Variants in ITFG2 observed in about 807,000 individuals in gnomAD.
ITFG2 encodes KICSTOR complex protein ITFG2.
ITFG2 carries 36 observed loss-of-function variants against 54.4 expected under a neutral mutation model. That is an observed-to-expected ratio of 0.66 (90% CI 0.51 to 0.87). The LOEUF is 0.87. Among genes scored for constraint, ITFG2 ranks in the 40% least tolerant of loss-of-function variants. The pLI is 0.00. For missense variants in ITFG2, 524 were observed against 576.7 expected (o/e 0.91, Z 0.94); for synonymous variants, 211 against 225.4 (o/e 0.94, Z 0.57).
downstream of ITFG2, chr12:2,827,552 T>TC: frequency 6.2e-7 from 1 of 1,609,350 alleles, no homozygotes; most frequent in Non-Finnish European, 8.5e-7. This position sits in a 1 kb window ranked among gnomAD's most constrained non-coding sequence, Gnocchi z 4.0. Flanking sequence ...CAGAACCTGG[T>TC]CCAGGTTCCA....
chr12:2,854,708 C>T (rs2098081734), intron 2 of ITFG2, among the ~76,000 whole-genome samples: 1 of 152,204 alleles, frequency 6.6e-6, no homozygotes, highest in Admixed American at 6.5e-5. Context: ...GTGAAACTCC[C>T]TGCCTCCACT....
At chr12:2,822,423 T>C (rs2097948556) in intron 9 of ITFG2, among the ~76,000 whole-genome samples, 1 of 152,202 alleles carries the variant, frequency 6.6e-6, no homozygotes, top group Non-Finnish European at 1.5e-5. Flanking sequence ...TGTAGGTTTT[T>C]CTTGTCCATA....
chr12:2,823,845 A>T lies in ITFG2; in HGVS notation c.1142A>T (p.Tyr381Phe). Residue 381 changes from tyrosine to phenylalanine, a missense_variant, in exon 11 of 12, where the codon TAC becomes TTC. By Grantham distance (22) the Tyr-to-Phe change is conservative. Transcript: ENST00000228799. ...ACTTTCAACCAGAAGATCTATGTGT[A>T]CTGGGAGGTGCAGCTGGAGCGGATG... is the stretch of plus-strand genomic sequence containing the variant. Reference protein sequence around the residue: ...YVTFNQKIYVYWEVQLERMES... With the variant: ...YVTFNQKIYVFWEVQLERMES... 3.7e-6 allele frequency: 6 copies of T among 1,612,744 alleles called. No individual in the cohort carries two copies. Among genetic ancestry groups the T allele is most frequent in the Non-Finnish European group, 5.1e-6 (6 of 1,179,292 alleles).
Position 2,830,825 on chromosome 12 carries a change from C to T in ITFG2, c.*60-9C>T. ...CCCCCTGAAGCCAATTCGGGTTTCC[C>T]TCCACCAGGCGTCTTTGGATCACAC... On this transcript the variant is annotated splice_polypyrimidine_tract_variant and intron_variant and NMD_transcript_variant, in intron 2 of 2. Coordinates refer to the ITFG2 transcript ENST00000538822. 2.5e-6 allele frequency: 4 copies of T among 1,613,770 alleles called. 1 individual carries two copies. The highest frequency in any genetic ancestry group is 1.3e-5 in the African/African-American group (1 of 75,026).
At chr12:2,835,819 C>G (rs1187274118), upstream of ITFG2, among the ~76,000 whole-genome samples, 2 of 152,190 alleles carry the variant, frequency 1.3e-5, no homozygotes. Context: ...TCTTTATATT[C>G]TTTATGCAAA....
At chr12:2,857,877 G>A (rs1398552130) in intron 2 of ITFG2, 1 of 152,284 alleles carries the variant, frequency 6.6e-6, no homozygotes, top group Non-Finnish European at 1.5e-5. Context: ...TATGATTGGG[G>A]ACATTATCAG....
intron 4 of ITFG2, 70 bp from the exon 5 acceptor site, chr12:2,820,016 G>A (rs2153924368): frequency 2.0e-6 from 3 of 1,534,238 alleles, no homozygotes; most frequent in South Asian, 1.3e-5. Context: ...GCTGGAAGGT[G>A]CCACTGTTAG....
intron 2 of ITFG2, chr12:2,830,314 G>T (rs866997372): frequency 6.3e-6 from 1 of 159,176 alleles, no homozygotes; most frequent in Non-Finnish European, 1.4e-5. Flanking sequence ...AATTTATTGC[G>T]AATGTTCAAT....
chr12:2,827,781 C>G, downstream of ITFG2: 1 of 1,606,294 alleles, frequency 6.2e-7, no homozygotes, highest in Non-Finnish European at 8.5e-7. This position sits in a 1 kb window ranked among gnomAD's most constrained non-coding sequence, Gnocchi z 4.0. Flanking sequence ...TCCCCAGATC[C>G]GAGGACACTG....
At chr12:2,827,278 C>G (rs1427270593), downstream of ITFG2, 5 of 1,613,868 alleles carry the variant, frequency 3.1e-6, no homozygotes, top group Admixed American at 1.7e-5. The surrounding 1 kb of genome is among the most constrained non-coding windows in gnomAD (Gnocchi z 4.0). Flanking sequence ...CGCAGCACTC[C>G]GTGCTCCAGG....
chr12:2,849,187 G>C (rs1399386166), intron 2 of ITFG2: 1 of 1,497,490 alleles, frequency 6.7e-7, no homozygotes. Context: ...GAACACTGGA[G>C]CCTGGGGCTC....
upstream of ITFG2, chr12:2,834,739 T>C (rs2098019897): frequency 2.5e-6 from 4 of 1,613,904 alleles, no homozygotes; most frequent in South Asian, 4.4e-5. Flanking sequence ...GAGCCGGCGC[T>C]GCTGGCTCAG....
chr12:2,821,367 TGTG>T lies in ITFG2; in HGVS notation c.793+13_793+15del, dbSNP rs576079607. 9.5e-4 allele frequency: 1,527 copies of T among 1,600,010 alleles called. 15 individuals carry two copies. In the Middle Eastern group the frequency reaches 0.019, roughly 20 times the overall value. On this transcript the variant is annotated intron_variant, in intron 7 of 11. Transcript: ENST00000228799. Reference sequence around the variant, plus strand: ...TTGGCAACATCAAACAAGGTGAAAGTGTGGTGGGTGTGAGGGAGGGAGATGAGG... The same window carrying T: ...TTGGCAACATCAAACAAGGTGAAAGTGTGGGTGTGAGGGAGGGAGATGAGG...
At chr12:2,831,784 A>T (rs1194591360), downstream of ITFG2, among the ~76,000 whole-genome samples, 1 of 151,482 alleles carries the variant, frequency 6.6e-6, no homozygotes, top group Non-Finnish European at 1.5e-5. Flanking sequence ...TTCTTTCAAG[A>T]TGGGATCTTG....
rs554016203 is a variant in ITFG2, at chr12:2,820,146, G to A, written c.467G>A (p.Arg156His). Residue 156 changes from arginine to histidine, a missense_variant, in exon 5 of 12, where the codon CGC (arginine) becomes CAC (histidine). By Grantham distance (29) the Arg-to-His change is conservative (BLOSUM62 0). Transcript: ENST00000228799. ...GYTDRVVRAF[R>H]WEELGEGPEH... Reference sequence around the variant, plus strand: ...ACAGACCGTGTGGTGCGAGCTTTCCGCTGGGAGGAGCTAGGTGAGGGTCCT... The same window carrying A: ...ACAGACCGTGTGGTGCGAGCTTTCCACTGGGAGGAGCTAGGTGAGGGTCCT... 13 of 1,613,978 alleles carry A rather than the reference G, an allele frequency of 8.1e-6. No homozygotes were observed. The Admixed American group carries it at 8.3e-5, about 10-fold the overall frequency.
At chr12:2,856,325 G>A (rs1166831982) in intron 2 of ITFG2, among the ~76,000 whole-genome samples, 1 of 152,134 alleles carries the variant, frequency 6.6e-6, no homozygotes, top group Non-Finnish European at 1.5e-5. Flanking sequence ...CAACAAAAAT[G>A]TGCCTCTTTT....
In ITFG2 at chr12:2,845,095, G is replaced by GA. The variant is rs1232978560; in HGVS notation, n.300+4104dup. 6.6e-6 allele frequency among the ~76,000 whole-genome samples: 1 copy of GA among 152,178 alleles called. No homozygotes were observed. Among genetic ancestry groups the GA allele is most frequent in the African/African-American group, 2.4e-5 (1 of 41,456 alleles). ...GCAGCCACTATTGACACTGTGTAAT[G>GA]AAAAGAGCAAATGTGTGCGGCTCGG... On this transcript the variant is annotated intron_variant and non_coding_transcript_variant, in intron 2 of 3. Transcript: ENST00000537710. The surrounding 1 kb of genome is among the most constrained non-coding windows in gnomAD (Gnocchi z 4.2).
chr12:2,847,757 A>C (rs2098057594), intron 2 of ITFG2, among the ~76,000 whole-genome samples: 1 of 151,562 alleles, frequency 6.6e-6, no homozygotes, highest in Admixed American at 6.6e-5. Flanking sequence ...TTCTGTCTCT[A>C]TACGTTTGCC....
At chr12:2,858,706 C>T (rs755508868) in intron 3 of ITFG2, 4 of 1,614,054 alleles carry the variant, frequency 2.5e-6, no homozygotes, top group Non-Finnish European at 3.4e-6. Context: ...TCGTCCAGGC[C>T]AGGAAAGCTG....
Sources: gnomAD v4.1 joint callset for allele counts (sites outside exome capture counted in the v4.1 genomes callset) on GRCh38, gnomAD v4.1.1 for gene constraint, Gnocchi (gnomAD v3.1) non-coding constraint, MANE v1.5 for transcripts, NCBI Gene and HGNC (gene_info 2026-07-23, HGNC 2026-07-21) for gene names.